Variants in ASPH observed in about 807,000 individuals in gnomAD.
ASPH encodes aspartate beta-hydroxylase.
Under a neutral mutation model 118.4 loss-of-function variants are expected in ASPH, and 100 were observed. That is an observed-to-expected ratio of 0.84 (90% CI 0.72 to 1.00). The LOEUF (loss-of-function observed/expected upper bound fraction) is 1.00, where lower values mean the gene tolerates loss of function less well. Ranked by LOEUF, ASPH falls within the 50% of genes least tolerant of loss-of-function variation. ASPH has a pLI of 0.00. For synonymous variants in ASPH, 315 were observed against 325.6 expected, an observed-to-expected ratio of 0.97 and a Z score of 0.35; for missense variants, 920 against 919.5, an observed-to-expected ratio of 1.00 and a Z score of -0.01.
intron 10 of ASPH, among the ~76,000 whole-genome samples, chr8:61,639,212 A>C (rs1031013624): frequency 3.9e-5 from 6 of 152,108 alleles, no homozygotes; most frequent in African/African-American, 9.7e-5. Context: ...AAGAACTTAA[A>C]AATGCAATAC....
At chr8:61,608,926 G>A (rs1846423541) in intron 14 of ASPH, among the ~76,000 whole-genome samples, 1 of 152,200 alleles carries the variant, frequency 6.6e-6, no homozygotes, top group South Asian at 2.1e-4. Flanking sequence ...AGACGAGCAG[G>A]CAGGTAGGGG....
intron 1 of ASPH, among the ~76,000 whole-genome samples, chr8:61,711,370 A>C (rs1838020735): frequency 6.6e-6 from 1 of 152,186 alleles, no homozygotes; most frequent in African/African-American, 2.4e-5. Flanking sequence ...AATAAATTTG[A>C]AAAAGGCTTC....
intron 17 of ASPH, among the ~76,000 whole-genome samples, chr8:61,564,498 C>T (rs1830995628): frequency 6.6e-6 from 1 of 152,050 alleles, no homozygotes; most frequent in Non-Finnish European, 1.5e-5. Flanking sequence ...CAGGTTTCAC[C>T]ATGTTGGCCA....
chr8:61,699,746 A>C lies in ASPH; in HGVS notation c.103+14523T>G, dbSNP rs541559676. 7.2e-5 allele frequency among the ~76,000 whole-genome samples: 11 copies of C among 152,330 alleles called. No homozygotes were observed. The East Asian group carries it at 1.2e-3, about 16-fold the overall frequency. ...AAAAAAATTCCATTTTATAATAAAA[A>C]CTTAAAAAATTTCTAAGAGAGATAT... On this transcript the variant is annotated intron_variant, in intron 1 of 24. Transcript: ENST00000379454.
chr8:61,698,121 G>C (rs1834371889), intron 1 of ASPH, among the ~76,000 whole-genome samples: 3 of 152,204 alleles, frequency 2.0e-5, no homozygotes, highest in African/African-American at 7.2e-5. Context: ...AATTTACAGA[G>C]TTTAATTTAG....
intron 15 of ASPH, among the ~76,000 whole-genome samples, chr8:61,582,722 C>T (rs574595726): frequency 6.6e-6 from 1 of 152,286 alleles, no homozygotes; most frequent in African/African-American, 2.4e-5. Context: ...CATTCTTGTC[C>T]CATTTTAGTT....
intron 6 of ASPH, among the ~76,000 whole-genome samples, chr8:61,646,296 C>T (rs1197536391): frequency 6.6e-6 from 1 of 152,118 alleles, no homozygotes; most frequent in East Asian, 1.9e-4. Context: ...TCCAGAAAAC[C>T]TGAAATATTT....
intron 3 of ASPH, chr8:61,676,002 G>A (rs1011018806): frequency 6.4e-7 from 1 of 1,574,746 alleles, no homozygotes; most frequent in Non-Finnish European, 8.6e-7. Flanking sequence ...CCCTGCATAA[G>A]CCAAGGAAAG....
At chr8:61,549,100 C>T (rs1262195580) in intron 20 of ASPH, among the ~76,000 whole-genome samples, 13 of 152,312 alleles carry the variant, frequency 8.5e-5, no homozygotes, top group African/African-American at 2.9e-4. Flanking sequence ...CTAATGATTA[C>T]TTTTACAGAG....
At chr8:61,595,680 A>G (rs1016340776) in intron 14 of ASPH, among the ~76,000 whole-genome samples, 3 of 152,254 alleles carry the variant, frequency 2.0e-5, no homozygotes, top group African/African-American at 7.2e-5. Flanking sequence ...TAAGGATCAT[A>G]AAAGCAGACA....
chr8:61,687,503 T>C (rs1284074054), intron 1 of ASPH: 1 of 152,174 alleles, frequency 6.6e-6, no homozygotes, highest in Admixed American at 6.5e-5. Context: ...AGACACAATC[T>C]AACCCAATGA....
At chr8:61,673,192 A>C (rs986245561) in intron 3 of ASPH, among the ~76,000 whole-genome samples, 6 of 152,280 alleles carry the variant, frequency 3.9e-5, no homozygotes, top group African/African-American at 1.4e-4. Flanking sequence ...AGGACAGCCC[A>C]CTATTCCATA....
At chr8:61,675,850 G>C in intron 3 of ASPH, 1 of 1,335,062 alleles carries the variant, frequency 7.5e-7, no homozygotes, top group South Asian at 2.3e-5. Context: ...CTTTGTAGCT[G>C]ACTACAAGAA....
intron 5 of ASPH, among the ~76,000 whole-genome samples, chr8:61,650,800 T>A (rs1810590745): frequency 6.6e-6 from 1 of 152,172 alleles, no homozygotes; most frequent in African/African-American, 2.4e-5. Context: ...TTTCAATCTG[T>A]TCATTCTCAT....
chr8:61,623,211 A>G (rs2150565683), intron 13 of ASPH, among the ~76,000 whole-genome samples: 1 of 152,346 alleles, frequency 6.6e-6, no homozygotes, highest in East Asian at 1.9e-4. Context: ...CATGCTCACC[A>G]GCATTCATTA....
chr8:61,507,330 G>C (rs1218194375), intron 24 of ASPH, among the ~76,000 whole-genome samples: 1 of 152,148 alleles, frequency 6.6e-6, no homozygotes, highest in African/African-American at 2.4e-5. Flanking sequence ...TATACCAAAG[G>C]GTTGTTAATT....
intron 10 of ASPH, among the ~76,000 whole-genome samples, chr8:61,639,517 T>C (rs1004407637): frequency 6.6e-6 from 1 of 152,162 alleles, no homozygotes; most frequent in African/African-American, 2.4e-5. Flanking sequence ...TGGTTTTTCG[T>C]TTCTCCCACT....
At chr8:61,692,584 T>C (rs529323922) in intron 1 of ASPH, among the ~76,000 whole-genome samples, 1 of 152,134 alleles carries the variant, frequency 6.6e-6, no homozygotes, top group African/African-American at 2.4e-5. Flanking sequence ...TCTACCTCCC[T>C]CCAAAAACCT....
chr8:61,619,078 A>T (rs1850002390), intron 13 of ASPH, 59 bp from the exon 14 acceptor site: 4 of 1,132,866 alleles, frequency 3.5e-6, no homozygotes, highest in Non-Finnish European at 5.2e-6. Context: ...AGTATCTCAA[A>T]ATATAGGACA....
Sources: allele counts gnomAD v4.1 joint callset (sites outside exome capture counted in the v4.1 genomes callset), GRCh38; gene constraint gnomAD v4.1.1; transcripts MANE v1.5; gene names NCBI Gene and HGNC (gene_info 2026-07-23, HGNC 2026-07-21).